Variants in GRM7 observed in about 807,000 individuals in gnomAD.
GRM7 encodes glutamate metabotropic receptor 7.
Under a neutral mutation model 84.5 loss-of-function variants are expected in GRM7, and 35 were observed. The ratio of observed to expected loss-of-function variants is 0.41; its 90% CI spans 0.32 to 0.55. GRM7 has a LOEUF of 0.55. Among genes scored for constraint, GRM7 ranks in the 20% least tolerant of loss-of-function variants. The pLI, the probability that GRM7 is intolerant of heterozygous loss-of-function variation, is 0.19. For missense variants in GRM7, 1,003 were observed against 1,194.6 expected, an observed-to-expected ratio of 0.84 and a Z score of 2.36; for synonymous variants, 487 against 455.1, an observed-to-expected ratio of 1.07 and a Z score of -0.89.
chr3:6,895,663 A>G (rs1014662569), intron 1 of GRM7, among the ~76,000 whole-genome samples: 5 of 152,178 alleles, frequency 3.3e-5, no homozygotes, highest in Admixed American at 3.3e-4. Flanking sequence ...GAGTAAGTTA[A>G]TTTTAAAAAG....
rs9823448 is a variant in GRM7 at position 6,883,913 on chromosome 3, C to T, written c.519+22006C>T. ...GGTCTCTTCTGGAAATGAGCAGCAA[C>T]GTACTGTGCAGGGCAGAGATCATCA... is the stretch of plus-strand genomic sequence containing the variant. On this transcript the variant is annotated intron_variant, in intron 1 of 9. Coordinates refer to ENST00000357716, the MANE Select transcript of GRM7 (RefSeq NM_000844.4). 9.4e-3 allele frequency among the ~76,000 whole-genome samples: 1,433 copies of T among 152,272 alleles called. 17 individuals carry two copies. Among genetic ancestry groups the T allele is most frequent in the African/African-American group, 0.032 (1,332 of 41,532 alleles).
At chr3:7,460,092 A>G (rs1273372144) in intron 6 of GRM7, among the ~76,000 whole-genome samples, 1 of 115,216 alleles carries the variant, frequency 8.7e-6, no homozygotes, top group Admixed American at 9.8e-5. Context: ...AAGTATGCTT[A>G]AAATAGTAAA....
At chr3:7,547,175 A>G (rs928381898) in intron 7 of GRM7, among the ~76,000 whole-genome samples, 3 of 146,080 alleles carry the variant, frequency 2.1e-5, no homozygotes, top group African/African-American at 7.6e-5. Context: ...TTCTCAGCAC[A>G]GCCCCCAGAG....
chr3:7,614,093 G>A (rs534367633), intron 8 of GRM7, among the ~76,000 whole-genome samples: 33 of 152,098 alleles, frequency 2.2e-4, no homozygotes, highest in African/African-American at 7.2e-4. Context: ...GTGAAACTCC[G>A]TCTCTACTAA....
At position 6,862,780 on chromosome 3, in the gene GRM7, G is replaced by T. The variant is rs1426577379; in HGVS notation, c.519+873G>T. ...ACGCAGACCCCAAGCCAAATCCTCG[G>T]CTTGGAGGACGATTCCCGGAGCGAG... On this transcript the variant is annotated intron_variant, in intron 1 of 9. Coordinates refer to ENST00000357716, the MANE Select transcript of GRM7 (RefSeq NM_000844.4). The surrounding 1 kb of genome is among the most constrained non-coding windows in gnomAD (Gnocchi z 5.2). 4 of 319,470 alleles carry T rather than the reference G, an allele frequency of 1.3e-5. No homozygotes were observed. Among genetic ancestry groups the T allele is most frequent in the African/African-American group, 9.0e-5 (4 of 44,290 alleles). The allele number at this position is 319,470 out of a possible 1,614,324, so 19.8% of individuals were successfully genotyped here. A position where few individuals can be genotyped will look rare whatever the true frequency, so the allele number is the denominator to read the frequency against.
At chr3:6,960,292 G>T (rs1305411218) in intron 1 of GRM7, among the ~76,000 whole-genome samples, 1 of 151,958 alleles carries the variant, frequency 6.6e-6, no homozygotes, top group Admixed American at 6.6e-5. Context: ...AATTCTTTGT[G>T]GTCCTGATAA....
At chr3:6,900,530 A>G (rs1477309958) in intron 1 of GRM7, among the ~76,000 whole-genome samples, 1 of 152,212 alleles carries the variant, frequency 6.6e-6, no homozygotes. Flanking sequence ...CAGGATAAAG[A>G]TGAGGGCAAA....
intron 1 of GRM7, among the ~76,000 whole-genome samples, chr3:6,868,863 T>A (rs1012445353): frequency 7.2e-5 from 11 of 152,142 alleles, no homozygotes; most frequent in Non-Finnish European, 1.5e-4. Flanking sequence ...AGCTGCAGCT[T>A]AATAGTTTTA....
intron 8 of GRM7, among the ~76,000 whole-genome samples, chr3:7,635,017 G>C (rs972446368): frequency 1.3e-5 from 2 of 152,178 alleles, no homozygotes. Flanking sequence ...AGAATTTTCT[G>C]TAATGATGGA....
At chr3:7,097,951 A>G (rs1290654872) in intron 1 of GRM7, among the ~76,000 whole-genome samples, 1 of 152,154 alleles carries the variant, frequency 6.6e-6, no homozygotes, top group African/African-American at 2.4e-5. Flanking sequence ...AAGAAAGTCC[A>G]ATATACTATG....
chr3:7,335,407 AGTG>A (rs1366035110), intron 4 of GRM7, among the ~76,000 whole-genome samples: 1 of 152,058 alleles, frequency 6.6e-6, no homozygotes, highest in Non-Finnish European at 1.5e-5. Flanking sequence ...ATACAGCAAA[AGTG>A]GTGATAATAA....
chr3:6,898,107 G>A (rs761972942), intron 1 of GRM7, among the ~76,000 whole-genome samples: 5 of 152,170 alleles, frequency 3.3e-5, no homozygotes, highest in African/African-American at 1.2e-4. Context: ...TAGGCCATGC[G>A]AGACATCCAG....
At chr3:7,044,981 G>A (rs115311605) in intron 1 of GRM7, among the ~76,000 whole-genome samples, 1,643 of 152,220 alleles carry the variant, frequency 0.011, 31 homozygotes, top group African/African-American at 0.038. Context: ...TTTCTATTCT[G>A]TTGACATGTA....
At chr3:6,969,214 A>T (rs1270213544) in intron 1 of GRM7, among the ~76,000 whole-genome samples, 3 of 152,088 alleles carry the variant, frequency 2.0e-5, no homozygotes, top group African/African-American at 7.2e-5. Flanking sequence ...AGGGCAGGTT[A>T]GGTAGTATGA....
At chr3:6,982,218 T>C (rs1694236291) in intron 1 of GRM7, among the ~76,000 whole-genome samples, 1 of 152,146 alleles carries the variant, frequency 6.6e-6, no homozygotes, top group Non-Finnish European at 1.5e-5. Flanking sequence ...TACTTCATGC[T>C]CTCATTTGTA....
rs1697399917 is a variant in GRM7 at position 6,928,872 on chromosome 3, G to A, written c.519+66965G>A. ...GATTAGGTTCCCCCATATTTGAACT[G>A]GTACATAAAATGCCAGTCATAGTGT... On this transcript the variant is annotated intron_variant, in intron 1 of 9. Coordinates refer to ENST00000357716, the MANE Select transcript of GRM7 (RefSeq NM_000844.4). The surrounding 1 kb of genome is among the most constrained non-coding windows in gnomAD (Gnocchi z 4.5). 6.6e-6 allele frequency among the ~76,000 whole-genome samples: 1 copy of A among 152,178 alleles called. No individual in the cohort carries two copies. Among genetic ancestry groups the A allele is most frequent in the Non-Finnish European group, 1.5e-5 (1 of 68,036 alleles).
intron 7 of GRM7, among the ~76,000 whole-genome samples, chr3:7,536,787 A>T (rs1559387484): frequency 6.6e-6 from 1 of 152,188 alleles, no homozygotes; most frequent in African/African-American, 2.4e-5. Flanking sequence ...ATGTGACTGT[A>T]GCTGTGACCA....
At chr3:7,005,337 T>C (rs1695148902) in intron 1 of GRM7, among the ~76,000 whole-genome samples, 1 of 152,196 alleles carries the variant, frequency 6.6e-6, no homozygotes, top group Non-Finnish European at 1.5e-5. Flanking sequence ...CCCAGCTACC[T>C]GGGATTCATA....
chr3:6,883,108 G>A (rs761531240), intron 1 of GRM7, among the ~76,000 whole-genome samples: 1 of 152,090 alleles, frequency 6.6e-6, no homozygotes, highest in Non-Finnish European at 1.5e-5. Flanking sequence ...CCACTCTGTT[G>A]AGTAAAACAT....
Sources: allele counts gnomAD v4.1 joint callset (sites outside exome capture counted in the v4.1 genomes callset), GRCh38; gene constraint gnomAD v4.1.1; non-coding constraint Gnocchi (gnomAD v3.1); transcripts MANE v1.5; gene names NCBI Gene and HGNC (gene_info 2026-07-23, HGNC 2026-07-21).